The following SPINT1 variants were observed in gnomAD, a reference collection of about 807,000 sequenced individuals.
SPINT1 encodes the protein serine peptidase inhibitor, Kunitz type 1.
In SPINT1, 38 loss-of-function variants were observed where a neutral mutation model predicts 53.7. The observed-to-expected ratio is 0.71, with a 90% confidence interval of 0.55 to 0.93. The LOEUF is 0.93. Ranked by LOEUF, SPINT1 falls within the 40% of genes least tolerant of loss-of-function variation. The pLI, the probability that SPINT1 is intolerant of heterozygous loss-of-function variation, is 0.00. For missense variants in SPINT1, 645 were observed against 692.9 expected, an observed-to-expected ratio of 0.93 and a Z score of 0.78; for synonymous variants, 283 against 280.6, an observed-to-expected ratio of 1.01 and a Z score of -0.08.
chr15:40,853,685 G>A, intron 4 of SPINT1, 26 bp from the exon 5 acceptor site: 1 of 1,614,008 alleles, frequency 6.2e-7, no homozygotes, highest in South Asian at 1.1e-5. Context: ...TGGCCGCACG[G>A]TCCCCTCATA....
chr15:40,854,405 G>A lies in SPINT1; in HGVS notation c.949G>A (p.Gly317Ser). 1 of 1,596,744 alleles carries A rather than the reference G, an allele frequency of 6.3e-7. No individual in the cohort carries two copies. The highest frequency in any genetic ancestry group is 1.1e-5 in the South Asian group (1 of 88,810). The change falls in exon 7 of 11, where the codon GGC (glycine) becomes AGC (serine). Residue 317 changes from glycine to serine, a missense_variant. Gly to Ser is a moderately conservative substitution (Grantham distance 56). Transcript: ENST00000562057. The part of the protein sequence containing the change: ...SMERRHPVCS[G>S]TCQPTQFRCS... Reference sequence around the variant, plus strand: ...CCCTTCCACCCGTCCAGTGTGCTCTGGCACCTGTCAGCCCACCCAGTTCCG... The same window carrying A: ...CCCTTCCACCCGTCCAGTGTGCTCTAGCACCTGTCAGCCCACCCAGTTCCG...
In SPINT1 at chr15:40,856,026, G is replaced by A. The variant is rs1348309005; in HGVS notation, c.1252G>A (p.Glu418Lys). The A allele has an allele frequency of 1.2e-6, 2 of 1,614,210 alleles. No individual in the cohort carries two copies. Among genetic ancestry groups the A allele is most frequent in the East Asian group, 2.2e-5 (1 of 44,890 alleles). The change falls in exon 9 of 11, where the codon GAG becomes AAG. Residue 418 changes from glutamate to lysine, a missense_variant. Physicochemically the swap from Glu to Lys is moderately conservative, Grantham distance 56 (BLOSUM62 1). Transcript: ENST00000562057. ...CGGCAACAAGAACAACTTTGAGGAAGAGCAGCAGTGCCTCGAGTCTTGTCG... is the reference window on the plus strand; with the variant it reads ...CGGCAACAAGAACAACTTTGAGGAAAAGCAGCAGTGCCTCGAGTCTTGTCG... ...CYGNKNNFEEEQQCLESCRGI... is the reference protein window; with the variant it reads ...CYGNKNNFEEKQQCLESCRGI...
At position 40,844,391 on chromosome 15, in the gene SPINT1, C is replaced by A; in HGVS notation, c.-65-99C>A. 1.3e-6 allele frequency: 1 copy of A among 780,354 alleles called. No homozygotes were observed. The highest frequency in any genetic ancestry group is 2.5e-5 in the East Asian group (1 of 39,320). The allele number at this position is 780,354 out of a possible 1,614,324, so 48.3% of individuals were successfully genotyped here. The stretch of plus-strand genomic sequence containing the variant: ...CTCTTCGATCCTGGGGTGCTCCGGT[C>A]CCTCCTCCCCGCCACTTCCTCCCGG... On this transcript the variant is annotated intron_variant, in intron 1 of 10. Coordinates refer to ENST00000562057, the MANE Select transcript of SPINT1 (RefSeq NM_003710.4). The surrounding 1 kb of genome is among the most constrained non-coding windows in gnomAD (Gnocchi z 5.8).
At chr15:40,851,465 TCAA>T (rs1891453757) in intron 2 of SPINT1, among the ~76,000 whole-genome samples, 1 of 152,186 alleles carries the variant, frequency 6.6e-6, no homozygotes, top group Non-Finnish European at 1.5e-5. Context: ...TCTGCCATTT[TCAA>T]CAACACCCTA....
intron 2 of SPINT1, among the ~76,000 whole-genome samples, chr15:40,848,072 C>G (rs547715857): frequency 1.3e-5 from 2 of 152,262 alleles, no homozygotes; most frequent in Admixed American, 1.3e-4. Flanking sequence ...ACCCAGTTCT[C>G]TTTTTACTAT....
Position 40,856,286 on chromosome 15 carries a change from G to A in SPINT1, c.1299G>A (p.Val433=). Residue 433 remains valine (V), a synonymous_variant, in exon 10 of 11, where the codon GTG becomes GTA. Transcript: ENST00000562057. ...ESCRGISKKD[V]FGLRREIPIP... is the part of the protein sequence containing the mutation. Reference sequence around the variant, plus strand: ...CTCATCATTCTGCAGAGAAGGATGTGTTTGGCCTGAGGCGGGAAATCCCCA... The same window carrying A: ...CTCATCATTCTGCAGAGAAGGATGTATTTGGCCTGAGGCGGGAAATCCCCA... The A allele has an allele frequency of 6.2e-7, 1 of 1,614,184 alleles. No individual in the cohort carries two copies. The highest frequency in any genetic ancestry group is 8.5e-7 in the Non-Finnish European group (1 of 1,180,026).
chr15:40,846,012 G>A (rs1891284525), intron 2 of SPINT1, among the ~76,000 whole-genome samples: 1 of 152,234 alleles, frequency 6.6e-6, no homozygotes, highest in African/African-American at 2.4e-5. Context: ...AAGCCTAGAG[G>A]CTCTGGGGTG....
rs543267493 is a variant in SPINT1 at position 40,844,750 on chromosome 15, A to G, written c.196A>G (p.Asn66Asp). 63 of 1,611,144 alleles carry G rather than the reference A, an allele frequency of 3.9e-5. No individual in the cohort carries two copies. In the South Asian group the frequency reaches 5.9e-4, roughly 15 times the overall value. ...AGVPGFVLDT[N>D]ASVSNGATFL... ...GGTGCCTGGCTTCGTGCTGGACACC[A>G]ACGCCTCGGTCAGCAACGGAGCTAC... Residue 66 changes from asparagine to aspartate, a missense_variant, in exon 2 of 11, where the codon AAC becomes GAC. Transcript: ENST00000562057. This position sits in a 1 kb window ranked among gnomAD's most constrained non-coding sequence, Gnocchi z 5.8.
Position 40,853,525 on chromosome 15 carries a change from A to G in SPINT1, c.640A>G (p.Lys214Glu). 1 of 1,614,074 alleles carries G rather than the reference A, an allele frequency of 6.2e-7. No individual in the cohort carries two copies. Residue 214 changes from lysine (K) to glutamate (E), a missense_variant, in exon 4 of 11, where the codon AAG (lysine) becomes GAG (glutamate). Transcript: ENST00000562057. Reference sequence around the variant, plus strand: ...AAACCAGGTGGAACTGTGGGGACTCAAGGAAGGCACCTACCTGTTCCAGCT... The same window carrying G: ...AAACCAGGTGGAACTGTGGGGACTCGAGGAAGGCACCTACCTGTTCCAGCT... ...DPNQVELWGL[K>E]EGTYLFQLTV... is the part of the protein sequence containing the mutation.
At position 40,844,280 on chromosome 15, in the gene SPINT1, T is replaced by C; in HGVS notation, c.-66+94T>C. The C allele has an allele frequency of 1.8e-6, 1 of 550,408 alleles. No homozygotes were observed. Among genetic ancestry groups the C allele is most frequent in the East Asian group, 3.3e-5 (1 of 30,098 alleles). 34.1% of individuals were successfully genotyped at this position (550,408 alleles called of 1,614,324 possible). A position where few individuals can be genotyped will look rare whatever the true frequency, so the allele number is the denominator to read the frequency against. On this transcript the variant is annotated intron_variant, in intron 1 of 10. Transcript: ENST00000562057. The surrounding 1 kb of genome is among the most constrained non-coding windows in gnomAD (Gnocchi z 5.8). ...TTCTGCGCTCGTGCGTGTGTCCGGG[T>C]ACTTGAGCTCCCTAGCGGTCCGCCT... is the stretch of plus-strand genomic sequence containing the variant.
Position 40,844,630 on chromosome 15 carries a change from T to C in SPINT1, c.76T>C (p.Cys26Arg). 6.2e-7 allele frequency: 1 copy of C among 1,608,432 alleles called. No individual in the cohort carries two copies. Among genetic ancestry groups the C allele is most frequent in the South Asian group, 1.1e-5 (1 of 90,766 alleles). The change falls in exon 2 of 11, where the codon TGC becomes CGC. Residue 26 changes from cysteine to arginine, a missense_variant. By Grantham distance (180) the Cys-to-Arg change is radical. Coordinates refer to ENST00000562057, the MANE Select transcript of SPINT1 (RefSeq NM_003710.4). This position sits in a 1 kb window ranked among gnomAD's most constrained non-coding sequence, Gnocchi z 5.8. Reference sequence around the variant, plus strand: ...CCCTGCCGTCGCCTTGTGGCTTCTGTGCACGCTCGGCCTCCAGGGCACCCA... The same window carrying C: ...CCCTGCCGTCGCCTTGTGGCTTCTGCGCACGCTCGGCCTCCAGGGCACCCA... ...GIPAVALWLLCTLGLQGTQAG... is the reference protein window; with the variant it reads ...GIPAVALWLLRTLGLQGTQAG...
chr15:40,844,973 A>G lies in SPINT1; in HGVS notation c.419A>G (p.Tyr140Cys). ...KFAPREGFIN[Y>C]LTREVYRSYR... ...GCGCCCAGGGAGGGCTTCATCAACT[A>G]CCTCACGAGGGAAGTGTACCGCTCC... is the stretch of plus-strand genomic sequence containing the variant. Residue 140 changes from tyrosine to cysteine, a missense_variant, in exon 2 of 11, where the codon TAC (tyrosine) becomes TGC (cysteine). By Grantham distance (194) the Tyr-to-Cys change is radical. Coordinates refer to ENST00000562057, the MANE Select transcript of SPINT1 (RefSeq NM_003710.4). The surrounding 1 kb of genome is among the most constrained non-coding windows in gnomAD (Gnocchi z 5.8). 1 of 1,613,462 alleles carries G rather than the reference A, an allele frequency of 6.2e-7. No individual in the cohort carries two copies. The highest frequency in any genetic ancestry group is 8.5e-7 in the Non-Finnish European group (1 of 1,179,926).
chr15:40,857,107 A>T lies in SPINT1; in HGVS notation c.*132A>T. ...ACTGTGCCTCAGAGACCAGGGCTCC[A>T]GCCCCTCTTGGAGAAGTCTCAGCTA... is the stretch of plus-strand genomic sequence containing the variant. On this transcript the variant is annotated 3_prime_UTR_variant, in exon 11 of 11. Transcript: ENST00000562057. 1 of 1,218,218 alleles carries T rather than the reference A, an allele frequency of 8.2e-7. No homozygotes were observed. Among genetic ancestry groups the T allele is most frequent in the South Asian group, 1.5e-5 (1 of 66,198 alleles). 75.5% of individuals were successfully genotyped at this position (1,218,218 alleles called of 1,614,324 possible).
chr15:40,852,844 C>G (rs1891501090), intron 2 of SPINT1, among the ~76,000 whole-genome samples: 1 of 150,838 alleles, frequency 6.6e-6, no homozygotes, highest in African/African-American at 2.4e-5. Flanking sequence ...GTGCTCCAGC[C>G]TAGGAAACAT....
chr15:40,853,557 G>A lies in SPINT1; in HGVS notation c.672G>A (p.Val224=). The A allele has an allele frequency of 1.2e-6, 2 of 1,614,070 alleles. No homozygotes were observed. Among genetic ancestry groups the A allele is most frequent in the Non-Finnish European group, 1.7e-6 (2 of 1,179,968 alleles). ...GCACCTACCTGTTCCAGCTGACAGT[G>A]ACTAGCTCAGACCACCCAGAGGACA... ...KEGTYLFQLT[V]TSSDHPEDTA... The change falls in exon 4 of 11, where the codon GTG becomes GTA. Residue 224 remains valine (V), a synonymous_variant. Transcript: ENST00000562057.
intron 2 of SPINT1, among the ~76,000 whole-genome samples, chr15:40,852,611 C>A (rs995525508): frequency 6.7e-6 from 1 of 149,296 alleles, no homozygotes; most frequent in African/African-American, 2.5e-5. Flanking sequence ...ATAAGCCTAT[C>A]CCCTCAAGTA....
Position 40,857,977 on chromosome 15 carries a change from A to G in SPINT1, c.*1002A>G, listed in dbSNP as rs1891707218. On this transcript the variant is annotated 3_prime_UTR_variant, in exon 11 of 11. Transcript: ENST00000562057. ...TTCTGCTCATTTGGAGGTTGGGGTTAGGGGTGCACAGGCACCTTGGCTCCT... is the reference window on the plus strand; with the variant it reads ...TTCTGCTCATTTGGAGGTTGGGGTTGGGGGTGCACAGGCACCTTGGCTCCT... 6.6e-6 allele frequency: 1 copy of G among 152,146 alleles called. No individual in the cohort carries two copies. The highest frequency in any genetic ancestry group is 6.5e-5 in the Admixed American group (1 of 15,276). The allele number at this position is 152,146 out of a possible 1,614,324, so 9.4% of individuals were successfully genotyped here. A position where few individuals can be genotyped will look rare whatever the true frequency, so the allele number is the denominator to read the frequency against.
chr15:40,846,531 A>C (rs1273743415), intron 2 of SPINT1, among the ~76,000 whole-genome samples: 4 of 152,214 alleles, frequency 2.6e-5, no homozygotes, highest in Non-Finnish European at 5.9e-5. Context: ...GATTCACCCC[A>C]GGGGAGACCT....
Position 40,854,706 on chromosome 15 carries a change from G to C in SPINT1, c.1117+17G>C. On this transcript the variant is annotated intron_variant, in intron 8 of 10. Coordinates refer to ENST00000562057, the MANE Select transcript of SPINT1 (RefSeq NM_003710.4). Reference sequence around the variant, plus strand: ...GTGACAAAGGTGAGATCCTCCCCAGGTGCCCTGGATCAGGGCAGACGCTGA... The same window carrying C: ...GTGACAAAGGTGAGATCCTCCCCAGCTGCCCTGGATCAGGGCAGACGCTGA... 1 of 1,613,934 alleles carries C rather than the reference G, an allele frequency of 6.2e-7. No homozygotes were observed. The highest frequency in any genetic ancestry group is 2.2e-5 in the East Asian group (1 of 44,878).
Sources: gnomAD v4.1 joint callset for allele counts (sites outside exome capture counted in the v4.1 genomes callset) on GRCh38, gnomAD v4.1.1 for gene constraint, Gnocchi (gnomAD v3.1) non-coding constraint, MANE v1.5 for transcripts, NCBI Gene and HGNC (gene_info 2026-07-23, HGNC 2026-07-21) for gene names.